The following VAPB variants were observed in gnomAD, a reference collection of about 807,000 sequenced individuals.
The protein encoded by VAPB is VAMP associated protein B and C, also known as vesicle-associated membrane protein-associated protein B/C.
Under a neutral mutation model 25.6 loss-of-function variants are expected in VAPB, and 7 were observed. That is an observed-to-expected ratio of 0.27 (90% CI 0.16 to 0.51). The LOEUF (loss-of-function observed/expected upper bound fraction) is 0.51. VAPB is among the 20% of genes least tolerant of loss of function. The pLI is 0.97. For missense variants in VAPB, 266 were observed against 301.3 expected, an observed-to-expected ratio of 0.88 and a Z score of 0.87; for synonymous variants, 112 against 109.2, an observed-to-expected ratio of 1.03 and a Z score of -0.16.
Position 58,434,702 on chromosome 20 carries a change from A to G in VAPB, c.312A>G (p.Ala104=). 2.0e-6 allele frequency: 3 copies of G among 1,466,754 alleles called. No homozygotes were observed. Among genetic ancestry groups the G allele is most frequent in the Non-Finnish European group, 1.9e-6 (2 of 1,046,446 alleles). 90.9% of individuals were successfully genotyped at this position (1,466,754 alleles called of 1,614,324 possible). A position where few individuals can be genotyped will look rare whatever the true frequency, so the allele number is the denominator to read the frequency against. ...CAACTGACACTTCAGATATGGAAGC[A>G]GTAGTAAGTACTGAATGCTTCTTAT... The part of the protein sequence containing the change: ...FAPTDTSDME[A]VWKEAKPEDL... The change falls in exon 3 of 6, where the codon GCA becomes GCG. Residue 104 remains alanine, a synonymous_variant. Transcript: ENST00000475243.
At chr20:58,423,850 C>T (rs541677758) in intron 2 of VAPB, among the ~76,000 whole-genome samples, 1 of 152,300 alleles carries the variant, frequency 6.6e-6, no homozygotes, top group East Asian at 1.9e-4. Flanking sequence ...CACATTCATA[C>T]TTTAAAAGAT....
chr20:58,418,106 C>A, intron 1 of VAPB, 105 bp from the exon 2 acceptor site: 1 of 1,472,668 alleles, frequency 6.8e-7, no homozygotes, highest in Non-Finnish European at 9.4e-7. Flanking sequence ...ATGAGATAAT[C>A]GTGGATCTCA....
At chr20:58,423,810 C>T (rs1988727033) in intron 2 of VAPB, among the ~76,000 whole-genome samples, 1 of 152,156 alleles carries the variant, frequency 6.6e-6, no homozygotes, top group Non-Finnish European at 1.5e-5. Context: ...TTCCATGAAC[C>T]AGGCTTATTA....
At position 58,423,729 on chromosome 20, in the gene VAPB, C is replaced by G. The variant is rs138193050; in HGVS notation, c.211+5366C>G. Among the ~76,000 whole-genome samples the G allele has an allele frequency of 2.8e-3, 424 of 152,294 alleles. 3 individuals carry two copies. Among genetic ancestry groups the G allele is most frequent in the African/African-American group, 9.9e-3 (411 of 41,578 alleles). ...CATTTGGGGAGTTTGAGCTTCTTAA[C>G]AGCAACATTCTTCTTTGTTTGATTG... On this transcript the variant is annotated intron_variant, in intron 2 of 5. Transcript: ENST00000475243.
chr20:58,389,495 G>T lies in VAPB; in HGVS notation c.36G>T (p.Pro12=), dbSNP rs2123005228. The part of the protein sequence containing the change: ...AKVEQVLSLE[P]QHELKFRGPF... ...TGGAGCAGGTCCTGAGCCTCGAGCC[G>T]CAGCACGAGCTCAAATTCCGAGGTA... The change falls in exon 1 of 6, where the codon CCG becomes CCT. Residue 12 remains proline (P), a synonymous_variant. Coordinates refer to ENST00000475243, the MANE Select transcript of VAPB (RefSeq NM_004738.5). The T allele has an allele frequency of 6.3e-7, 1 of 1,593,118 alleles. No homozygotes were observed. Among genetic ancestry groups the T allele is most frequent in the East Asian group, 2.3e-5 (1 of 43,856 alleles).
In VAPB at chr20:58,444,901, A is replaced by G. The variant is rs1184676573; in HGVS notation, c.*666A>G. ...GACCAAGCTAAATTTGTATTGGTTC[A>G]TGTAGTGAAGTCAAACTGTTATTCA... is the stretch of plus-strand genomic sequence containing the variant. On this transcript the variant is annotated 3_prime_UTR_variant, in exon 6 of 6. Coordinates refer to ENST00000475243, the MANE Select transcript of VAPB (RefSeq NM_004738.5). The G allele has an allele frequency of 4.4e-6, 2 of 454,490 alleles. No homozygotes were observed. The highest frequency in any genetic ancestry group is 4.0e-5 in the African/African-American group (2 of 50,026). The allele number at this position is 454,490 out of a possible 1,614,324, so 28.2% of individuals were successfully genotyped here.
rs143877468 is a variant in VAPB at position 58,428,445 on chromosome 20, G to A, written c.212-6157G>A. ...ACTGGTGAATACCATTTGGTGTAGC[G>A]TAACAGTGCTTAAACTTTTTGGTCT... is the stretch of plus-strand genomic sequence containing the variant. On this transcript the variant is annotated intron_variant, in intron 2 of 5. Coordinates refer to ENST00000475243, the MANE Select transcript of VAPB (RefSeq NM_004738.5). Among the ~76,000 whole-genome samples the A allele has an allele frequency of 2.2e-3, 328 of 152,192 alleles. 3 individuals are homozygous for A. Among genetic ancestry groups the A allele is most frequent in the African/African-American group, 7.5e-3 (312 of 41,528 alleles).
Position 58,389,505 on chromosome 20 carries a change from C to A in VAPB, c.46C>A (p.Leu16Ile). The part of the protein sequence containing the change: ...QVLSLEPQHE[L>I]KFRGPFTDVV... ...CCTGAGCCTCGAGCCGCAGCACGAG[C>A]TCAAATTCCGAGGTAAGCCCCAGAG... Residue 16 changes from leucine to isoleucine, a missense_variant, in exon 1 of 6, where the codon CTC (leucine) becomes ATC (isoleucine). By Grantham distance (5) the Leu-to-Ile change is conservative. Around this residue, in one of 3 missense-constraint regions of VAPB, gnomAD observed 32 missense variants for 23.5 expected, o/e 1.36. Transcript: ENST00000475243. The A allele has an allele frequency of 6.3e-7, 1 of 1,592,042 alleles. No homozygotes were observed. Among genetic ancestry groups the A allele is most frequent in the Non-Finnish European group, 8.5e-7 (1 of 1,170,296 alleles).
chr20:58,440,929 T>G lies in VAPB; in HGVS notation c.419T>G (p.Ile140Ser). The change falls in exon 5 of 6, where the codon ATT (isoleucine) becomes AGT (serine). Residue 140 changes from isoleucine (I) to serine (S), a missense_variant. By Grantham distance (142) the Ile-to-Ser change is moderately radical. Coordinates refer to ENST00000475243, the MANE Select transcript of VAPB (RefSeq NM_004738.5). ...CAGCATGATGTAGAAATAAATAAAATTATATCCACAACTGCATCAAAGACA... is the reference window on the plus strand; with the variant it reads ...CAGCATGATGTAGAAATAAATAAAAGTATATCCACAACTGCATCAAAGACA... ...DKPHDVEINK[I>S]ISTTASKTET... is the part of the protein sequence containing the mutation. 1 of 1,613,826 alleles carries G rather than the reference T, an allele frequency of 6.2e-7. No homozygotes were observed. Among genetic ancestry groups the G allele is most frequent in the Non-Finnish European group, 8.5e-7 (1 of 1,179,868 alleles).
At position 58,449,153 on chromosome 20, in the gene VAPB, G is replaced by A. The variant is rs1989372033; in HGVS notation, c.*4918G>A. 1 of 453,982 alleles carries A rather than the reference G, an allele frequency of 2.2e-6. No homozygotes were observed. Among genetic ancestry groups the A allele is most frequent in the Admixed American group, 2.4e-5 (1 of 42,552 alleles). The allele number at this position is 453,982 out of a possible 1,614,324, so 28.1% of individuals were successfully genotyped here. ...GGCTGTGGGAATGGGTCTGCCCCCA[G>A]CTTCACAGACCTCTTCCTCCAGCCT... On this transcript the variant is annotated 3_prime_UTR_variant, in exon 6 of 6. Transcript: ENST00000475243.
chr20:58,428,980 G>C lies in VAPB; in HGVS notation c.212-5622G>C, dbSNP rs371467747. Reference sequence around the variant, plus strand: ...GGAGCCCACAAGCCAAGGAGAGCTGGTGATGAAAAACACCCCCATTTGCTG... The same window carrying C: ...GGAGCCCACAAGCCAAGGAGAGCTGCTGATGAAAAACACCCCCATTTGCTG... On this transcript the variant is annotated intron_variant, in intron 2 of 5. Coordinates refer to ENST00000475243, the MANE Select transcript of VAPB (RefSeq NM_004738.5). Among the ~76,000 whole-genome samples the C allele has an allele frequency of 5.3e-5, 8 of 152,292 alleles. No individual in the cohort carries two copies. In the East Asian group the frequency reaches 1.5e-3, roughly 29 times the overall value.
Position 58,445,781 on chromosome 20 carries a change from A to G in VAPB, c.*1546A>G. 1 of 453,382 alleles carries G rather than the reference A, an allele frequency of 2.2e-6. No individual in the cohort carries two copies. Among genetic ancestry groups the G allele is most frequent in the Non-Finnish European group, 4.4e-6 (1 of 226,670 alleles). 28.1% of individuals were successfully genotyped at this position (453,382 alleles called of 1,614,324 possible). A position where few individuals can be genotyped will look rare whatever the true frequency, so the allele number is the denominator to read the frequency against. ...AAAAATGAAACTGCTGAAAAAGCTG[A>G]GCACCTGGTCACCCTTGGCCTTCCA... On this transcript the variant is annotated 3_prime_UTR_variant, in exon 6 of 6. Transcript: ENST00000475243.
At chr20:58,394,990 T>C (rs1247795504) in intron 1 of VAPB, among the ~76,000 whole-genome samples, 1 of 152,228 alleles carries the variant, frequency 6.6e-6, no homozygotes, top group African/African-American at 2.4e-5. Context: ...GAAGGCAGAA[T>C]ACTGAGAACT....
In VAPB at chr20:58,448,204, T is replaced by C. The variant is rs1215280917; in HGVS notation, c.*3969T>C. The C allele has an allele frequency of 4.4e-6, 2 of 454,080 alleles. No individual in the cohort carries two copies. The highest frequency in any genetic ancestry group is 3.1e-5 in the South Asian group (2 of 64,476). 28.1% of individuals were successfully genotyped at this position (454,080 alleles called of 1,614,324 possible). ...TGCAAAGTATATAGATGGATGACTC[T>C]AGTTCATGACATACAAATCCCATAA... On this transcript the variant is annotated 3_prime_UTR_variant, in exon 6 of 6. Transcript: ENST00000475243.
intron 3 of VAPB, among the ~76,000 whole-genome samples, chr20:58,436,424 C>T (rs6128342): frequency 0.11 from 16,340 of 149,778 alleles, 1,000 homozygotes; most frequent in Middle Eastern, 0.18. Flanking sequence ...GCCTCCACCT[C>T]CTGGGCTCAA....
chr20:58,406,458 C>T (rs1988231693), intron 1 of VAPB, among the ~76,000 whole-genome samples: 1 of 152,168 alleles, frequency 6.6e-6, no homozygotes, highest in African/African-American at 2.4e-5. Flanking sequence ...CTGGTATAGC[C>T]ACTTAGGTTC....
chr20:58,443,591 T>C (rs760387523), intron 5 of VAPB, among the ~76,000 whole-genome samples: 2 of 151,934 alleles, frequency 1.3e-5, no homozygotes, highest in Non-Finnish European at 2.9e-5. Flanking sequence ...CCCAGTTGAC[T>C]TTGTAGATTC....
In VAPB at chr20:58,448,035, A is replaced by G. The variant is rs1179167179; in HGVS notation, c.*3800A>G. 4.4e-6 allele frequency: 2 copies of G among 453,856 alleles called. No individual in the cohort carries two copies. Among genetic ancestry groups the G allele is most frequent in the South Asian group, 1.6e-5 (1 of 64,458 alleles). 28.1% of individuals were successfully genotyped at this position (453,856 alleles called of 1,614,324 possible). A position where few individuals can be genotyped will look rare whatever the true frequency, so the allele number is the denominator to read the frequency against. ...CTGCCCCCGGCTGTCTGGCCTGAAG[A>G]AGGAGAAAGAACCAAACTGAACTAT... On this transcript the variant is annotated 3_prime_UTR_variant, in exon 6 of 6. Transcript: ENST00000475243.
intron 5 of VAPB, among the ~76,000 whole-genome samples, chr20:58,442,489 T>C (rs542950825): frequency 6.6e-6 from 1 of 152,294 alleles, no homozygotes; most frequent in African/African-American, 2.4e-5. Flanking sequence ...ACACCACCAG[T>C]TGTTTATCAC....
Sources: allele counts gnomAD v4.1 joint callset (sites outside exome capture counted in the v4.1 genomes callset), GRCh38; gene constraint gnomAD v4.1.1; regional missense constraint gnomAD v4.1.1; transcripts MANE v1.5; gene names NCBI Gene and HGNC (gene_info 2026-07-23, HGNC 2026-07-21).